The following TRIM33 variants were observed in gnomAD, a reference collection of about 807,000 sequenced individuals.
TRIM33 encodes the protein tripartite motif containing 33.
In TRIM33, 20 loss-of-function variants were observed where a neutral mutation model predicts 125.4. The observed-to-expected ratio is 0.16, with a 90% CI of 0.11 to 0.23. The LOEUF (loss-of-function observed/expected upper bound fraction) is 0.23. Among genes scored for constraint, TRIM33 ranks in the 10% least tolerant of loss-of-function variants. The pLI, the probability that TRIM33 is intolerant of heterozygous loss-of-function variation, is 1.00. For missense variants in TRIM33, 920 were observed against 1,411.4 expected (o/e 0.65, Z 5.58); for synonymous variants, 564 against 513.9 (o/e 1.10, Z -1.32).
At chr1:114,508,123 A>AT (rs1216228810) in intron 1 of TRIM33, among the ~76,000 whole-genome samples, 1 of 152,000 alleles carries the variant, frequency 6.6e-6, no homozygotes, top group Non-Finnish European at 1.5e-5. Flanking sequence ...TCAAAAAAAA[A>AT]TTTTTTTTAA....
intron 1 of TRIM33, among the ~76,000 whole-genome samples, chr1:114,501,519 T>C (rs1426364233): frequency 1.3e-5 from 2 of 152,222 alleles, no homozygotes; most frequent in Non-Finnish European, 2.9e-5. Flanking sequence ...TTAATGACTT[T>C]TTAATAAAGT....
intron 1 of TRIM33, chr1:114,469,158 C>A: frequency 5.5e-6 from 1 of 181,320 alleles, no homozygotes; most frequent in East Asian, 1.8e-4. Flanking sequence ...GGACACACAC[C>A]TGCAGAAGAG....
intron 1 of TRIM33, among the ~76,000 whole-genome samples, chr1:114,506,715 C>T (rs1285886928): frequency 6.6e-6 from 1 of 152,038 alleles, no homozygotes; most frequent in Non-Finnish European, 1.5e-5. Flanking sequence ...TGAAAAAGCA[C>T]CCCCCAAAAA....
At chr1:114,434,426 TGTACTGTCAA>T (rs1648153571) in intron 4 of TRIM33, among the ~76,000 whole-genome samples, 1 of 152,252 alleles carries the variant, frequency 6.6e-6, no homozygotes, top group Non-Finnish European at 1.5e-5. Context: ...CTGGATGCCA[TGTACTGTCAA>T]ACTTTCCACA....
At chr1:114,497,007 C>G (rs1436191966) in intron 1 of TRIM33, among the ~76,000 whole-genome samples, 1 of 152,176 alleles carries the variant, frequency 6.6e-6, no homozygotes, top group African/African-American at 2.4e-5. Flanking sequence ...ACAAAATGTA[C>G]TCTGCTGTAA....
intron 1 of TRIM33, among the ~76,000 whole-genome samples, chr1:114,471,691 A>G (rs1259589592): frequency 6.6e-6 from 1 of 152,126 alleles, no homozygotes; most frequent in African/African-American, 2.4e-5. Flanking sequence ...AGATAAACCT[A>G]AGTAAAAGTT....
rs1185811055 is a variant in TRIM33, at chr1:114,396,042, A to G, written c.*1606T>C. ...TCTGAACTGCTTAAATGAATTTTTA[A>G]AAAGGCAAATAAATGATTTGCCACA... On this transcript the variant is annotated 3_prime_UTR_variant, in exon 20 of 20. Coordinates refer to ENST00000358465, the MANE Select transcript of TRIM33 (RefSeq NM_015906.4). 1 of 198,934 alleles carries G rather than the reference A, an allele frequency of 5.0e-6. No individual in the cohort carries two copies. Among genetic ancestry groups the G allele is most frequent in the Non-Finnish European group, 1.0e-5 (1 of 96,168 alleles). 12.3% of individuals were successfully genotyped at this position (198,934 alleles called of 1,614,324 possible). A position where few individuals can be genotyped will look rare whatever the true frequency, so the allele number is the denominator to read the frequency against.
At chr1:114,398,043 A>C in intron 18 of TRIM33, 53 bp from the exon 19 acceptor site, 5 of 1,586,918 alleles carry the variant, frequency 3.2e-6, no homozygotes, top group South Asian at 1.1e-5. Context: ...AATCCTTTCT[A>C]AAGTTATGAG....
rs191105432 is a variant in TRIM33 at position 114,480,661 on chromosome 1, C to T, written c.527-16273G>A. ...GAAGGAAAAGAACAAAAATGACACACGGAAAACAACTAGCAAAATGGCATA... is the reference window on the plus strand; with the variant it reads ...GAAGGAAAAGAACAAAAATGACACATGGAAAACAACTAGCAAAATGGCATA... On this transcript the variant is annotated intron_variant, in intron 1 of 19. Transcript: ENST00000358465. 3.6e-4 allele frequency among the ~76,000 whole-genome samples: 54 copies of T among 151,888 alleles called. No homozygotes were observed. In the East Asian group the frequency reaches 4.5e-3, roughly 13 times the overall value.
intron 11 of TRIM33, among the ~76,000 whole-genome samples, chr1:114,414,029 A>ACG (rs1557849672): frequency 4.1e-5 from 2 of 49,344 alleles, no homozygotes; most frequent in Admixed American, 2.6e-4. Flanking sequence ...AATCACAGGC[A>ACG]CACACACACA....
rs750501384 is a variant in TRIM33 at position 114,424,759 on chromosome 1, CA to C, written c.1696-5del. The C allele has an allele frequency of 1.4e-6, 2 of 1,467,962 alleles. No individual in the cohort carries two copies. Among genetic ancestry groups the C allele is most frequent in the South Asian group, 1.5e-5 (1 of 66,818 alleles). The allele number at this position is 1,467,962 out of a possible 1,614,324, so 90.9% of individuals were successfully genotyped here. A position where few individuals can be genotyped will look rare whatever the true frequency, so the allele number is the denominator to read the frequency against. The stretch of plus-strand genomic sequence containing the variant: ...GCACACTGATCAATCGAGGAGGCTA[CA>C]AAAAGTAGAAATTGCAATTTATGTA... On this transcript the variant is annotated splice_polypyrimidine_tract_variant and splice_region_variant and intron_variant, in intron 9 of 19. Transcript: ENST00000358465.
intron 1 of TRIM33, among the ~76,000 whole-genome samples, chr1:114,507,600 C>T (rs983113429): frequency 6.6e-6 from 1 of 152,058 alleles, no homozygotes; most frequent in Non-Finnish European, 1.5e-5. Flanking sequence ...TTATTATTTG[C>T]CTTGGTGAGA....
chr1:114,437,540 T>C (rs1648383984), intron 4 of TRIM33, among the ~76,000 whole-genome samples: 1 of 152,144 alleles, frequency 6.6e-6, no homozygotes, highest in Non-Finnish European at 1.5e-5. Context: ...GGCGTCACCA[T>C]GTTGGCCAGG....
intron 13 of TRIM33, among the ~76,000 whole-genome samples, chr1:114,407,583 T>C (rs145585343): frequency 5.6e-4 from 85 of 152,234 alleles, no homozygotes; most frequent in African/African-American, 2.0e-3. Context: ...ACAGGAAACA[T>C]GGAAGCTTAA....
At chr1:114,428,727 G>A (rs892545653) in intron 6 of TRIM33, among the ~76,000 whole-genome samples, 4 of 152,118 alleles carry the variant, frequency 2.6e-5, no homozygotes, top group Admixed American at 2.0e-4. Flanking sequence ...CTTTTATAAA[G>A]CTTAGAAAAA....
intron 5 of TRIM33, among the ~76,000 whole-genome samples, chr1:114,431,287 G>A (rs1159963684): frequency 6.6e-6 from 1 of 152,068 alleles, no homozygotes. Flanking sequence ...ATGTGCAAAA[G>A]GACAATGTCA....
At chr1:114,446,838 C>G (rs1253728286) in intron 4 of TRIM33, among the ~76,000 whole-genome samples, 5 of 152,140 alleles carry the variant, frequency 3.3e-5, no homozygotes, top group African/African-American at 1.2e-4. Context: ...GAGGATCACA[C>G]TTGAGCCCAG....
At chr1:114,410,445 A>G (rs1652514329) in intron 11 of TRIM33, 129 bp from the exon 12 acceptor site, 3 of 973,810 alleles carry the variant, frequency 3.1e-6, no homozygotes, top group Non-Finnish European at 4.4e-6. Flanking sequence ...GAGCCTTATT[A>G]TTGCTTCCTT....
chr1:114,402,785 T>C lies in TRIM33; in HGVS notation c.2867A>G (p.Gln956Arg). 1 of 1,614,068 alleles carries C rather than the reference T, an allele frequency of 6.2e-7. No individual in the cohort carries two copies. The highest frequency in any genetic ancestry group is 8.5e-7 in the Non-Finnish European group (1 of 1,179,988). Residue 956 changes from glutamine (Q) to arginine (R), a missense_variant, in exon 16 of 20, where the codon CAG becomes CGG. Around this residue, in one of 8 missense-constraint regions of TRIM33, gnomAD observed 122 missense variants for 236.8 expected, o/e 0.52. Transcript: ENST00000358465. ...LQHSKKGKTA[Q>R]GLSPVDQRKC... ...CCTTTGGTCCACGGGGCTTAACCCC[T>C]GCGCAGTTTTCCCCTTCTTACTATG...
Sources: gnomAD v4.1 joint callset for allele counts (sites outside exome capture counted in the v4.1 genomes callset) on GRCh38, gnomAD v4.1.1 for gene constraint, gnomAD v4.1.1 regional missense constraint, MANE v1.5 for transcripts, NCBI Gene and HGNC (gene_info 2026-07-23, HGNC 2026-07-21) for gene names.